ANP32A: variants seen among roughly 807,000 people sequenced by gnomAD.
The protein encoded by ANP32A is acidic leucine-rich nuclear phosphoprotein 32 family member A.
ANP32A carries 1 observed loss-of-function variant against 33.9 expected under a neutral mutation model. The observed-to-expected ratio is 0.03, with a 90% CI of 0.01 to 0.14. The LOEUF is 0.14. Among genes scored for constraint, ANP32A ranks in the 10% least tolerant of loss-of-function variants. The probability of loss-of-function intolerance (pLI) is 1.00; values close to 1 mark genes in which losing one functional copy is unlikely to be tolerated. For missense variants in ANP32A, 155 were observed against 306.0 expected, an observed-to-expected ratio of 0.51 and a Z score of 3.68; for synonymous variants, 115 against 120.5, an observed-to-expected ratio of 0.95 and a Z score of 0.30.
At chr15:68,817,821 G>T (rs1395869443) in intron 1 of ANP32A, 1 of 152,178 alleles carries the variant, frequency 6.6e-6, no homozygotes, top group Non-Finnish European at 1.5e-5. Flanking sequence ...CCCCAAAGCC[G>T]GCTCCCCCTG....
chr15:68,793,550 G>A (rs1026191083), intron 1 of ANP32A, among the ~76,000 whole-genome samples: 3 of 152,116 alleles, frequency 2.0e-5, no homozygotes, highest in East Asian at 1.9e-4. Context: ...TGTGGTGGCC[G>A]GCTGGGAGGA....
At chr15:68,806,821 G>A (rs1211891997) in intron 1 of ANP32A, among the ~76,000 whole-genome samples, 1 of 152,246 alleles carries the variant, frequency 6.6e-6, no homozygotes, top group Non-Finnish European at 1.5e-5. Context: ...TGGCTGTGAA[G>A]GCCAGTTTCT....
intron 1 of ANP32A, among the ~76,000 whole-genome samples, chr15:68,800,400 A>G (rs1279048069): frequency 6.6e-6 from 1 of 152,004 alleles, no homozygotes; most frequent in East Asian, 1.9e-4. Flanking sequence ...AAACCAATAA[A>G]TGTATACACA....
chr15:68,814,378 G>A (rs952980882), intron 1 of ANP32A, among the ~76,000 whole-genome samples: 2 of 151,402 alleles, frequency 1.3e-5, no homozygotes, highest in African/African-American at 4.9e-5. Context: ...TGGGCAACAC[G>A]GCAAAACCCC....
At chr15:68,798,881 C>T (rs1596069274) in intron 1 of ANP32A, among the ~76,000 whole-genome samples, 2 of 152,206 alleles carry the variant, frequency 1.3e-5, no homozygotes, top group African/African-American at 4.8e-5. Context: ...AGAAGCAGAG[C>T]AAACGCCGCC....
At chr15:68,808,767 C>T (rs1894273076) in intron 1 of ANP32A, among the ~76,000 whole-genome samples, 2 of 152,198 alleles carry the variant, frequency 1.3e-5, no homozygotes, top group African/African-American at 4.8e-5. Context: ...CCCCTGCACA[C>T]GCACATGCAT....
At chr15:68,805,727 G>GTT (rs1297523403) in intron 1 of ANP32A, among the ~76,000 whole-genome samples, 1 of 152,196 alleles carries the variant, frequency 6.6e-6, no homozygotes, top group Non-Finnish European at 1.5e-5. Flanking sequence ...CAGAAGTCCA[G>GTT]TGTAAGGCAC....
chr15:68,794,654 T>G (rs148824989), intron 1 of ANP32A, among the ~76,000 whole-genome samples: 1 of 152,272 alleles, frequency 6.6e-6, no homozygotes, highest in East Asian at 1.9e-4. Context: ...TAGACTGGGG[T>G]GATAGATGCT....
rs1011054912 is a variant in ANP32A, at chr15:68,779,777, G to C, written c.*304C>G. 7 of 309,918 alleles carry C rather than the reference G, an allele frequency of 2.3e-5. No homozygotes were observed. Among genetic ancestry groups the C allele is most frequent in the Non-Finnish European group, 3.6e-5 (6 of 167,818 alleles). The allele number at this position is 309,918 out of a possible 1,614,324, so 19.2% of individuals were successfully genotyped here. On this transcript the variant is annotated 3_prime_UTR_variant, in exon 7 of 7. Transcript: ENST00000465139. ...GAACTCCAAACCATCCTCTTTGAGA[G>C]TCAGGAACAAATGCTCACTTAGTGT... is the stretch of plus-strand genomic sequence containing the variant.
chr15:68,807,458 G>GCCTCCCTGCC (rs1314931729), intron 1 of ANP32A, among the ~76,000 whole-genome samples: 3 of 136,676 alleles, frequency 2.2e-5, no homozygotes, highest in Non-Finnish European at 4.9e-5. Context: ...TTTGCCCAGA[G>GCCTCCCTGCC]CCTCCCTGCC....
intron 1 of ANP32A, among the ~76,000 whole-genome samples, chr15:68,800,692 C>T (rs1181861681): frequency 3.1e-4 from 1 of 3,182 alleles, no homozygotes; most frequent in South Asian, 0.011. Context: ...TGCAGTGAGC[C>T]GAGATCCCGC....
At chr15:68,798,459 A>G (rs1894090415) in intron 1 of ANP32A, among the ~76,000 whole-genome samples, 1 of 152,186 alleles carries the variant, frequency 6.6e-6, no homozygotes, top group Non-Finnish European at 1.5e-5. Flanking sequence ...GACCCCATCA[A>G]TGCCACTTTT....
At chr15:68,810,622 G>T (rs1386189191) in intron 1 of ANP32A, among the ~76,000 whole-genome samples, 4 of 152,166 alleles carry the variant, frequency 2.6e-5, no homozygotes, top group Non-Finnish European at 5.9e-5. Context: ...GAGAATACAG[G>T]ATAAGAATGC....
chr15:68,814,142 T>A (rs1339244857), intron 1 of ANP32A, among the ~76,000 whole-genome samples: 1 of 152,112 alleles, frequency 6.6e-6, no homozygotes, highest in Non-Finnish European at 1.5e-5. Flanking sequence ...GTGCTGGGAT[T>A]ACAGGCGTGA....
chr15:68,803,185 ATC>A (rs1208908454), intron 1 of ANP32A, among the ~76,000 whole-genome samples: 2 of 152,170 alleles, frequency 1.3e-5, no homozygotes, highest in South Asian at 2.1e-4. Flanking sequence ...TTGTAGGCCA[ATC>A]TCTGTCAGGA....
At chr15:68,820,648 A>ACC (rs756293194) in intron 1 of ANP32A, 50 bp downstream of exon 1, 1 of 1,400,376 alleles carries the variant, frequency 7.1e-7, no homozygotes, top group South Asian at 1.1e-5. Context: ...ACACACACAC[A>ACC]CACAAAGTAG....
At chr15:68,793,408 CT>C (rs1481145145) in intron 1 of ANP32A, among the ~76,000 whole-genome samples, 2 of 152,212 alleles carry the variant, frequency 1.3e-5, no homozygotes, top group African/African-American at 2.4e-5. Context: ...CACACTCCCC[CT>C]GACCTGAATG....
At chr15:68,810,728 T>C (rs969087747) in intron 1 of ANP32A, among the ~76,000 whole-genome samples, 3 of 152,030 alleles carry the variant, frequency 2.0e-5, no homozygotes, top group Non-Finnish European at 2.9e-5. Context: ...GTAGAAGATA[T>C]ACCAGAGAAA....
At chr15:68,802,004 T>A (rs1237578761) in intron 1 of ANP32A, 2 of 153,094 alleles carry the variant, frequency 1.3e-5, no homozygotes, top group East Asian at 3.8e-4. Context: ...CAGGATCTCC[T>A]GGAAAAGTCC....
Sources: gnomAD v4.1 joint callset for allele counts (sites outside exome capture counted in the v4.1 genomes callset) on GRCh38, gnomAD v4.1.1 for gene constraint, MANE v1.5 for transcripts, NCBI Gene and HGNC (gene_info 2026-07-23, HGNC 2026-07-21) for gene names.